The following ITPK1 variants were observed in gnomAD, a reference collection of about 807,000 sequenced individuals.
ITPK1 encodes inositol 1,3,4-trisphosphate 5/6-kinase.
Under a neutral mutation model 45.3 loss-of-function variants are expected in ITPK1, and 21 were observed. The observed-to-expected ratio is 0.46, with a 90% CI of 0.33 to 0.67. The LOEUF is 0.67. Ranked by LOEUF, ITPK1 falls within the 30% of genes least tolerant of loss-of-function variation. The pLI, the probability that ITPK1 is intolerant of heterozygous loss-of-function variation, is 0.02. For missense variants in ITPK1, 474 were observed against 573.5 expected (o/e 0.83, Z 1.77); for synonymous variants, 258 against 253.6 (o/e 1.02, Z -0.16).
Position 93,115,082 on chromosome 14 carries a change from C to A in ITPK1, c.82G>T (p.Ala28Ser). 1 of 1,599,150 alleles carries A rather than the reference C, an allele frequency of 6.3e-7. No individual in the cohort carries two copies. The highest frequency in any genetic ancestry group is 8.5e-7 in the Non-Finnish European group (1 of 1,174,360). Reference sequence around the variant, plus strand: ...GTCCCTCCTTACCTGCACAGCTCGGCGAAGGCCTGGAAATTCAGCTTCTTG... The same window carrying A: ...GTCCCTCCTTACCTGCACAGCTCGGAGAAGGCCTGGAAATTCAGCTTCTTG... ...KIKKLNFQAF[A>S]ELCRKRGMEV... The change falls in exon 2 of 11, where the codon GCC becomes TCC. Residue 28 changes from alanine to serine, a missense_variant. Physicochemically the swap from Ala to Ser is moderately conservative, Grantham distance 99. Around this residue, in one of 2 missense-constraint regions of ITPK1, gnomAD observed 367 missense variants for 480.6 expected, o/e 0.76. Coordinates refer to ENST00000267615, the MANE Select transcript of ITPK1 (RefSeq NM_014216.6).
chr14:93,074,727 C>T (rs143219144), intron 3 of ITPK1, among the ~76,000 whole-genome samples: 15 of 152,268 alleles, frequency 9.9e-5, no homozygotes, highest in African/African-American at 3.1e-4. Flanking sequence ...GTAAAGGATC[C>T]GTGGATTTCC....
intron 2 of ITPK1, among the ~76,000 whole-genome samples, chr14:93,090,711 C>T (rs2140005532): frequency 6.6e-6 from 1 of 152,214 alleles, no homozygotes; most frequent in East Asian, 1.9e-4. Flanking sequence ...TGTCTGGGGA[C>T]CTGAGGGATA....
rs1293232309 is a variant in ITPK1, at chr14:93,016,164, G to A, written c.246+512C>T. Among the ~76,000 whole-genome samples, 1 of 152,146 alleles carries A rather than the reference G, an allele frequency of 6.6e-6. No individual in the cohort carries two copies. Among genetic ancestry groups the A allele is most frequent in the East Asian group, 1.9e-4 (1 of 5,192 alleles). ...GGGAGGCCGCTGGGGAAGTGGTGTG[G>A]GGAGAGGGAAGCAGCCAAGGGACTC... On this transcript the variant is annotated intron_variant, in intron 4 of 10. Coordinates refer to ENST00000267615, the MANE Select transcript of ITPK1 (RefSeq NM_014216.6). The surrounding 1 kb of genome is among the most constrained non-coding windows in gnomAD (Gnocchi z 5.0).
chr14:92,977,186 C>T (rs1885989020), intron 5 of ITPK1, among the ~76,000 whole-genome samples: 1 of 152,202 alleles, frequency 6.6e-6, no homozygotes, highest in Non-Finnish European at 1.5e-5. Flanking sequence ...GTGTCAGATC[C>T]CAACATCCTG....
intron 3 of ITPK1, among the ~76,000 whole-genome samples, chr14:93,019,851 G>A (rs896913773): frequency 1.3e-5 from 2 of 152,194 alleles, no homozygotes; most frequent in Admixed American, 6.5e-5. Context: ...TCTCCCAGAT[G>A]CGATGGGGAC....
chr14:92,976,530 T>C (rs1885951146), intron 5 of ITPK1, among the ~76,000 whole-genome samples: 1 of 152,246 alleles, frequency 6.6e-6, no homozygotes, highest in Admixed American at 6.5e-5. Context: ...CATTATCATT[T>C]TGGATTTCCA....
intron 3 of ITPK1, among the ~76,000 whole-genome samples, chr14:93,017,950 G>T (rs1002061997): frequency 6.6e-6 from 1 of 152,224 alleles, no homozygotes; most frequent in Non-Finnish European, 1.5e-5. Flanking sequence ...AACCTGCCTA[G>T]GGTCTCACAG....
chr14:93,033,277 T>A (rs1566746627), intron 3 of ITPK1, among the ~76,000 whole-genome samples: 6 of 152,186 alleles, frequency 3.9e-5, no homozygotes, highest in Admixed American at 3.9e-4. Flanking sequence ...CAACTGTGCA[T>A]TGGCACAGCA....
intron 2 of ITPK1, among the ~76,000 whole-genome samples, chr14:93,110,944 G>A (rs1312974872): frequency 1.3e-5 from 2 of 152,108 alleles, no homozygotes; most frequent in Non-Finnish European, 2.9e-5. Context: ...TGGCTGTGCA[G>A]GTCCTATAGA....
intron 3 of ITPK1, among the ~76,000 whole-genome samples, chr14:93,075,459 A>G (rs1891184301): frequency 6.6e-6 from 1 of 151,944 alleles, no homozygotes; most frequent in Admixed American, 6.6e-5. Flanking sequence ...GCTTCCAGAA[A>G]CTACCTCCTT....
intron 3 of ITPK1, among the ~76,000 whole-genome samples, chr14:93,049,569 A>G (rs1366430599): frequency 2.0e-5 from 3 of 152,042 alleles, no homozygotes; most frequent in Non-Finnish European, 4.4e-5. Context: ...CCTAAAGACA[A>G]TGAAAGGCCA....
In ITPK1 at chr14:93,027,503, G is replaced by A. The variant is rs571077595; in HGVS notation, c.121-10702C>T. Among the ~76,000 whole-genome samples, 19 of 152,234 alleles carry A rather than the reference G, an allele frequency of 1.2e-4. 1 individual carries two copies. In the South Asian group the frequency reaches 3.1e-3, roughly 25 times the overall value. On this transcript the variant is annotated intron_variant, in intron 3 of 10. Coordinates refer to ENST00000267615, the MANE Select transcript of ITPK1 (RefSeq NM_014216.6). Reference sequence around the variant, plus strand: ...ACAGATGGGGACACCAAGGCAACTCGCCTTCATCCACACAGCTAATGATGA... The same window carrying A: ...ACAGATGGGGACACCAAGGCAACTCACCTTCATCCACACAGCTAATGATGA...
rs111467667 is a variant in ITPK1, at chr14:92,939,679, C to G, written c.*1882G>C. ...TATCTGGGCCCTGGACGCGCAAGACCCCGGAGGCCACAAACGGTACAGGAA... is the reference window on the plus strand; with the variant it reads ...TATCTGGGCCCTGGACGCGCAAGACGCCGGAGGCCACAAACGGTACAGGAA... On this transcript the variant is annotated 3_prime_UTR_variant, in exon 11 of 11. Coordinates refer to ENST00000267615, the MANE Select transcript of ITPK1 (RefSeq NM_014216.6). 3.0e-6 allele frequency: 3 copies of G among 985,368 alleles called. No individual in the cohort carries two copies. Among genetic ancestry groups the G allele is most frequent in the African/African-American group, 3.5e-5 (2 of 57,304 alleles). 61.0% of individuals were successfully genotyped at this position (985,368 alleles called of 1,614,324 possible).
chr14:93,073,895 C>T (rs988340414), intron 3 of ITPK1, among the ~76,000 whole-genome samples: 2 of 152,138 alleles, frequency 1.3e-5, no homozygotes, highest in African/African-American at 4.8e-5. Flanking sequence ...CGGGAGACGC[C>T]CCTCAGGGAC....
chr14:92,949,653 G>A (rs1057053918), intron 9 of ITPK1, among the ~76,000 whole-genome samples: 32 of 152,248 alleles, frequency 2.1e-4, no homozygotes, highest in African/African-American at 7.7e-4. Flanking sequence ...TGCCGACGAC[G>A]GGAGGAGCTG....
chr14:93,047,871 C>A (rs937834674), intron 3 of ITPK1, among the ~76,000 whole-genome samples: 2 of 152,234 alleles, frequency 1.3e-5, no homozygotes, highest in Admixed American at 6.5e-5. Context: ...CTGCAGGCAA[C>A]CAGTTTCACA....
chr14:93,010,963 T>C (rs1437113138), intron 4 of ITPK1, among the ~76,000 whole-genome samples: 6 of 151,928 alleles, frequency 3.9e-5, no homozygotes, highest in Non-Finnish European at 8.8e-5. Flanking sequence ...CGTGGCTGAC[T>C]GACCCTTACA....
At chr14:93,003,224 T>TC (rs1275737778) in intron 4 of ITPK1, among the ~76,000 whole-genome samples, 1 of 151,864 alleles carries the variant, frequency 6.6e-6, no homozygotes, top group African/African-American at 2.4e-5. Flanking sequence ...GCAAAGCCTC[T>TC]CCCTGGGAGG....
chr14:93,018,192 T>A (rs769862257), intron 3 of ITPK1, among the ~76,000 whole-genome samples: 97 of 152,044 alleles, frequency 6.4e-4, no homozygotes, highest in Non-Finnish European at 8.1e-4. Flanking sequence ...ATTTGCAGCA[T>A]CCTCACGCCC....
Sources: allele counts gnomAD v4.1 joint callset (sites outside exome capture counted in the v4.1 genomes callset), GRCh38; gene constraint gnomAD v4.1.1; regional missense constraint gnomAD v4.1.1; non-coding constraint Gnocchi (gnomAD v3.1); transcripts MANE v1.5; gene names NCBI Gene and HGNC (gene_info 2026-07-23, HGNC 2026-07-21).